Variants in KDM4A observed in about 807,000 individuals in gnomAD.
The protein encoded by KDM4A is lysine-specific demethylase 4A.
KDM4A carries 23 observed loss-of-function variants against 127.1 expected under a neutral mutation model. The observed-to-expected ratio is 0.18, with a 90% confidence interval of 0.13 to 0.26. The LOEUF (loss-of-function observed/expected upper bound fraction) is 0.26, where lower values mean the gene tolerates loss of function less well. Among genes scored for constraint, KDM4A ranks in the 10% least tolerant of loss-of-function variants. The pLI is 1.00. For missense variants in KDM4A, 890 were observed against 1,329.1 expected (o/e 0.67, Z 5.14); for synonymous variants, 443 against 466.5 (o/e 0.95, Z 0.65).
chr1:43,669,891 G>A (rs1256692595), intron 10 of KDM4A, among the ~76,000 whole-genome samples: 1 of 152,156 alleles, frequency 6.6e-6, no homozygotes, highest in Non-Finnish European at 1.5e-5. Flanking sequence ...GACCTCAGGT[G>A]ATCCGCCTGC....
intron 12 of KDM4A, 75 bp downstream of exon 12, chr1:43,683,879 G>A: frequency 6.4e-7 from 1 of 1,550,660 alleles, no homozygotes; most frequent in Non-Finnish European, 8.8e-7. Context: ...ACATCAGAAG[G>A]CCAAGCTGAG....
At chr1:43,703,970 G>T (rs753695404) in intron 20 of KDM4A, 50 bp from the exon 21 acceptor site, 7 of 1,524,232 alleles carry the variant, frequency 4.6e-6, no homozygotes, top group Admixed American at 3.3e-5. Context: ...TGGTGGACCA[G>T]GGAAAGAGTC....
At position 43,656,410 on chromosome 1, in the gene KDM4A, T is replaced by C. The variant is rs545925481; in HGVS notation, c.314+644T>C. Among the ~76,000 whole-genome samples, 6 of 136,176 alleles carry C rather than the reference T, an allele frequency of 4.4e-5. No individual in the cohort carries two copies. In the East Asian group the frequency reaches 1.5e-3, roughly 34 times the overall value. 89.3% of individuals were successfully genotyped at this position (136,176 alleles called of 152,430 possible). On this transcript the variant is annotated intron_variant, in intron 3 of 21. Transcript: ENST00000372396. ...TGGAGTGCAGTGGAGTGATCTTGGC[T>C]CACTGCAACCTCTGTCTCCCAGGTT... is the stretch of plus-strand genomic sequence containing the variant.
intron 1 of KDM4A, among the ~76,000 whole-genome samples, chr1:43,651,530 A>G (rs1660112911): frequency 6.6e-6 from 1 of 152,182 alleles, no homozygotes; most frequent in Non-Finnish European, 1.5e-5. Context: ...TTCTGCTCCC[A>G]GGCCTGTAAC....
rs572766088 is a variant in KDM4A, at chr1:43,693,618, C to T, written c.2376-376C>T. Among the ~76,000 whole-genome samples the T allele has an allele frequency of 2.0e-5, 3 of 151,554 alleles. No homozygotes were observed. Among genetic ancestry groups the T allele is most frequent in the Non-Finnish European group, 4.4e-5 (3 of 68,020 alleles). On this transcript the variant is annotated intron_variant, in intron 16 of 21. Transcript: ENST00000372396. This position sits in a 1 kb window ranked among gnomAD's most constrained non-coding sequence, Gnocchi z 4.2. ...TGGCAGATTAGGGCACAGCCGGGGACGTTTTCAGGAAGCACTTGGGTCCTA... is the reference window on the plus strand; with the variant it reads ...TGGCAGATTAGGGCACAGCCGGGGATGTTTTCAGGAAGCACTTGGGTCCTA...
chr1:43,689,086 T>C lies in KDM4A; in HGVS notation c.2028T>C (p.Thr676=). The change falls in exon 13 of 22, where the codon ACT becomes ACC. Residue 676 remains threonine, a synonymous_variant. Transcript: ENST00000372396. The part of the protein sequence containing the change: ...PHCAVCMIFQ[T]YHQVEFGGFN... ...GCGCTGTCTGTATGATCTTCCAGAC[T>C]TATCATCAGGTAACCCAGCTCCATG... The C allele has an allele frequency of 6.2e-7, 1 of 1,614,068 alleles. No individual in the cohort carries two copies. The highest frequency in any genetic ancestry group is 1.1e-5 in the South Asian group (1 of 91,078).
intron 13 of KDM4A, 37 bp from the exon 14 acceptor site, chr1:43,690,808 G>C: frequency 6.3e-7 from 1 of 1,586,114 alleles, no homozygotes; most frequent in South Asian, 1.1e-5. Context: ...GCATAGGCAC[G>C]TGCTCACTGA....
At chr1:43,672,431 C>T (rs1570838031) in intron 11 of KDM4A, among the ~76,000 whole-genome samples, 1 of 152,240 alleles carries the variant, frequency 6.6e-6, no homozygotes, top group African/African-American at 2.4e-5. Context: ...TCGTGATCTG[C>T]CCACCTCAGC....
chr1:43,659,803 G>A (rs912137115), intron 3 of KDM4A, among the ~76,000 whole-genome samples: 1 of 152,182 alleles, frequency 6.6e-6, no homozygotes, highest in Non-Finnish European at 1.5e-5. Flanking sequence ...CAGCCACTGC[G>A]TAGGGCGCTT....
Position 43,655,585 on chromosome 1 carries a change from C to T in KDM4A, c.139-6C>T, listed in dbSNP as rs756572591. On this transcript the variant is annotated splice_polypyrimidine_tract_variant and splice_region_variant and intron_variant, in intron 2 of 21. Transcript: ENST00000372396. ...TCTGTCTTTTTGTTTCTTGTGTTCC[C>T]TTCAGGTTGTTCCTCCAAAAGAGTG... The T allele has an allele frequency of 3.1e-6, 5 of 1,604,086 alleles. No individual in the cohort carries two copies. In the East Asian group the frequency reaches 6.7e-5, roughly 22 times the overall value.
At position 43,668,037 on chromosome 1, in the gene KDM4A, T is replaced by C. The variant is rs1300051159; in HGVS notation, c.1163+18T>C. ...AAGACAAGGTAACCCAGCAGCCCTT[T>C]TGTCCTGGCTGCGTGAGGGAGGGAT... On this transcript the variant is annotated intron_variant, in intron 9 of 21. Transcript: ENST00000372396. 6 of 1,612,718 alleles carry C rather than the reference T, an allele frequency of 3.7e-6. No individual in the cohort carries two copies. The highest frequency in any genetic ancestry group is 1.3e-5 in the African/African-American group (1 of 74,888).
chr1:43,686,490 C>T (rs548698111), intron 12 of KDM4A, among the ~76,000 whole-genome samples: 14 of 152,026 alleles, frequency 9.2e-5, no homozygotes, highest in South Asian at 2.1e-4. Flanking sequence ...GTGTGTGCTA[C>T]GACGCCCAGC....
At chr1:43,695,869 T>C (rs774036910) in intron 18 of KDM4A, among the ~76,000 whole-genome samples, 9 of 151,686 alleles carry the variant, frequency 5.9e-5, no homozygotes, top group Non-Finnish European at 1.3e-4. Flanking sequence ...GGGGAGTGAA[T>C]ATTGAAGATG....
intron 19 of KDM4A, among the ~76,000 whole-genome samples, chr1:43,701,545 A>T (rs1452823793): frequency 6.6e-6 from 1 of 152,172 alleles, no homozygotes; most frequent in Admixed American, 6.5e-5. Flanking sequence ...CCACTGCTGG[A>T]GTGCAGTGGC....
intron 2 of KDM4A, among the ~76,000 whole-genome samples, chr1:43,655,132 G>A (rs1186291893): frequency 6.6e-6 from 1 of 152,150 alleles, no homozygotes. Flanking sequence ...TTACCGGCAT[G>A]AGCCACTGTG....
intron 11 of KDM4A, among the ~76,000 whole-genome samples, chr1:43,673,063 AAAT>A (rs1660662903): frequency 6.6e-6 from 1 of 152,026 alleles, no homozygotes; most frequent in Non-Finnish European, 1.5e-5. Flanking sequence ...CTTCCTCCTT[AAAT>A]ACATGTTGTC....
chr1:43,676,411 T>A (rs1380226113), intron 11 of KDM4A, among the ~76,000 whole-genome samples: 1 of 152,082 alleles, frequency 6.6e-6, no homozygotes, highest in Non-Finnish European at 1.5e-5. Flanking sequence ...AACCTCCACC[T>A]CCTGGCTTTA....
intron 11 of KDM4A, among the ~76,000 whole-genome samples, chr1:43,677,438 A>G (rs1411980579): frequency 1.3e-5 from 2 of 152,096 alleles, no homozygotes; most frequent in African/African-American, 4.8e-5. Flanking sequence ...ATTCTTTAGC[A>G]TAATTTACTA....
intron 19 of KDM4A, chr1:43,702,630 A>G (rs1418800419): frequency 2.6e-5 from 4 of 152,226 alleles, no homozygotes; most frequent in African/African-American, 9.6e-5. Context: ...TATGCTGGGA[A>G]TACGATGAGG....
Sources: gnomAD v4.1 joint callset for allele counts (sites outside exome capture counted in the v4.1 genomes callset) on GRCh38, gnomAD v4.1.1 for gene constraint, Gnocchi (gnomAD v3.1) non-coding constraint, MANE v1.5 for transcripts, NCBI Gene and HGNC (gene_info 2026-07-23, HGNC 2026-07-21) for gene names.